The following NPAS2 variants were observed in gnomAD, a reference collection of about 807,000 sequenced individuals.
The protein encoded by NPAS2 is neuronal PAS domain-containing protein 2.
NPAS2 carries 23 observed loss-of-function variants against 107.5 expected under a neutral mutation model. The ratio of observed to expected loss-of-function variants is 0.21; its 90% CI spans 0.15 to 0.30. The LOEUF (loss-of-function observed/expected upper bound fraction) is 0.30, where lower values mean the gene tolerates loss of function less well. Among genes scored for constraint, NPAS2 ranks in the 10% least tolerant of loss-of-function variants. The pLI is 1.00. For missense variants in NPAS2, 756 were observed against 1,043.3 expected, an observed-to-expected ratio of 0.72 and a Z score of 3.79; for synonymous variants, 403 against 417.5, an observed-to-expected ratio of 0.97 and a Z score of 0.42.
In NPAS2 at chr2:100,850,782, G is replaced by A. The variant is rs1017716516; in HGVS notation, c.-23+30368G>A. On this transcript the variant is annotated intron_variant, in intron 1 of 20. Coordinates refer to ENST00000335681, the MANE Select transcript of NPAS2 (RefSeq NM_002518.4). The stretch of plus-strand genomic sequence containing the variant: ...AGCCTGGCCAACATGGTGAAACCCC[G>A]TCTCTACAAAAAATACAAAAATTAG... 1.1e-4 allele frequency among the ~76,000 whole-genome samples: 17 copies of A among 151,670 alleles called. No homozygotes were observed. The East Asian group carries it at 1.8e-3, about 16-fold the overall frequency.
chr2:100,969,425 C>G (rs1005447417), intron 11 of NPAS2, among the ~76,000 whole-genome samples: 1 of 152,144 alleles, frequency 6.6e-6, no homozygotes, highest in African/African-American at 2.4e-5. Context: ...CATTGTTCAA[C>G]TCCCATTTAT....
chr2:100,843,272 C>T (rs1244706365), intron 1 of NPAS2, among the ~76,000 whole-genome samples: 1 of 152,022 alleles, frequency 6.6e-6, no homozygotes, highest in African/African-American at 2.4e-5. Context: ...TTTGGTCAGC[C>T]TCACCTGGGA....
chr2:100,934,530 A>G (rs1447660843), intron 4 of NPAS2, among the ~76,000 whole-genome samples: 1 of 152,196 alleles, frequency 6.6e-6, no homozygotes, highest in Non-Finnish European at 1.5e-5. Flanking sequence ...AAAGGAAATC[A>G]TGCTAGATGA....
At chr2:100,830,257 A>G (rs1461415088) in intron 1 of NPAS2, among the ~76,000 whole-genome samples, 1 of 152,186 alleles carries the variant, frequency 6.6e-6, no homozygotes, top group African/African-American at 2.4e-5. Context: ...ATGAATGCCT[A>G]TATTTTTTGG....
chr2:100,904,085 TAC>T (rs1217100545), intron 1 of NPAS2, among the ~76,000 whole-genome samples: 1 of 152,162 alleles, frequency 6.6e-6, no homozygotes, highest in African/African-American at 2.4e-5. Context: ...AACTGCGGAT[TAC>T]ACTCCTTTGG....
intron 7 of NPAS2, among the ~76,000 whole-genome samples, chr2:100,963,252 G>A (rs951978674): frequency 2.0e-5 from 3 of 152,160 alleles, no homozygotes; most frequent in Non-Finnish European, 4.4e-5. Flanking sequence ...CAGGGAAGGG[G>A]GTGTCAATGA....
At chr2:100,943,491 C>T (rs1373000898) in intron 5 of NPAS2, among the ~76,000 whole-genome samples, 3 of 152,182 alleles carry the variant, frequency 2.0e-5, no homozygotes, top group African/African-American at 4.8e-5. Flanking sequence ...TAGGGTAATG[C>T]GGATGTCTGA....
At chr2:100,896,490 C>G (rs1285298920) in intron 1 of NPAS2, among the ~76,000 whole-genome samples, 2 of 152,146 alleles carry the variant, frequency 1.3e-5, no homozygotes, top group Non-Finnish European at 2.9e-5. Context: ...CCCATTCCAC[C>G]CACAGAACTG....
intron 4 of NPAS2, 76 bp downstream of exon 4, chr2:100,933,077 C>A: frequency 1.8e-6 from 2 of 1,087,532 alleles, no homozygotes; most frequent in Non-Finnish European, 2.8e-6. Flanking sequence ...AGTCCCTGTA[C>A]CCAAAGGAAA....
At chr2:100,991,018 G>A (rs1573814347) in intron 19 of NPAS2, 146 bp downstream of exon 19, 6 of 682,140 alleles carry the variant, frequency 8.8e-6, no homozygotes, top group East Asian at 5.5e-5. Context: ...TGAAGGGGAC[G>A]CTGCCCCTCA....
intron 1 of NPAS2, chr2:100,901,361 A>G (rs1460569335): frequency 5.8e-6 from 1 of 171,240 alleles, no homozygotes; most frequent in African/African-American, 2.4e-5. Context: ...ACTGTTGATC[A>G]TGATTTCTTG....
At chr2:100,833,500 C>T (rs958804645) in intron 1 of NPAS2, among the ~76,000 whole-genome samples, 1 of 152,168 alleles carries the variant, frequency 6.6e-6, no homozygotes, top group Admixed American at 6.5e-5. Context: ...GCAAGTAAAA[C>T]CCCAACATAT....
intron 5 of NPAS2, among the ~76,000 whole-genome samples, chr2:100,944,377 G>A (rs1202333510): frequency 6.6e-6 from 1 of 152,080 alleles, no homozygotes; most frequent in Non-Finnish European, 1.5e-5. Flanking sequence ...AACATAGCTG[G>A]GTGTCCCTGC....
At chr2:100,848,653 G>A (rs1188231074) in intron 1 of NPAS2, among the ~76,000 whole-genome samples, 4 of 152,222 alleles carry the variant, frequency 2.6e-5, no homozygotes, top group African/African-American at 9.7e-5. Flanking sequence ...AAATTGGTGG[G>A]TGTTTGAGAG....
rs1676147572 is a variant in NPAS2, at chr2:100,965,244, A to G, written c.800+301A>G. On this transcript the variant is annotated intron_variant, in intron 9 of 20. Coordinates refer to ENST00000335681, the MANE Select transcript of NPAS2 (RefSeq NM_002518.4). This position sits in a 1 kb window ranked among gnomAD's most constrained non-coding sequence, Gnocchi z 4.3. ...GCAGCAAGTGTGAGAGAAATCTCTC[A>G]TCTCATTTTTTTCAACATCCTTTGA... 6.6e-6 allele frequency among the ~76,000 whole-genome samples: 1 copy of G among 152,120 alleles called. No homozygotes were observed. Among genetic ancestry groups the G allele is most frequent in the South Asian group, 2.1e-4 (1 of 4,822 alleles).
intron 5 of NPAS2, among the ~76,000 whole-genome samples, chr2:100,947,085 A>C (rs576389461): frequency 6.6e-6 from 1 of 152,284 alleles, no homozygotes; most frequent in Admixed American, 6.5e-5. Context: ...AGTTGGCTGG[A>C]TATTCAAACC....
At chr2:100,967,722 G>T (rs1314221270) in intron 10 of NPAS2, among the ~76,000 whole-genome samples, 1 of 152,160 alleles carries the variant, frequency 6.6e-6, no homozygotes, top group African/African-American at 2.4e-5. Flanking sequence ...CCCTAGAAAA[G>T]CCACCAGCAG....
At chr2:100,973,193 T>A (rs907612562) in intron 12 of NPAS2, among the ~76,000 whole-genome samples, 1 of 151,006 alleles carries the variant, frequency 6.6e-6, no homozygotes, top group Non-Finnish European at 1.5e-5. Context: ...AAAAAAAAAA[T>A]ACAAACACAA....
intron 7 of NPAS2, among the ~76,000 whole-genome samples, chr2:100,960,809 C>T (rs1481060829): frequency 6.6e-6 from 1 of 152,008 alleles, no homozygotes; most frequent in Non-Finnish European, 1.5e-5. Context: ...CCGAACTGGA[C>T]CTTAAGCTAG....
Sources: gnomAD v4.1 joint callset for allele counts (sites outside exome capture counted in the v4.1 genomes callset) on GRCh38, gnomAD v4.1.1 for gene constraint, Gnocchi (gnomAD v3.1) non-coding constraint, MANE v1.5 for transcripts, NCBI Gene and HGNC (gene_info 2026-07-23, HGNC 2026-07-21) for gene names.